CTIF: variants seen among roughly 807,000 people sequenced by gnomAD.
CTIF encodes the protein CBP80/20-dependent translation initiation factor.
Under a neutral mutation model 66.0 loss-of-function variants are expected in CTIF, and 21 were observed. That is an observed-to-expected ratio of 0.32 (90% CI 0.23 to 0.46). The LOEUF is 0.46. Ranked by LOEUF, CTIF falls within the 20% of genes least tolerant of loss-of-function variation. The pLI is 1.00. For missense variants in CTIF, 739 were observed against 812.7 expected, an observed-to-expected ratio of 0.91 and a Z score of 1.10; for synonymous variants, 345 against 326.4, an observed-to-expected ratio of 1.06 and a Z score of -0.62.
rs73956946 is a variant in CTIF, at chr18:48,602,726, G to A, written c.-28-16812G>A. On this transcript the variant is annotated intron_variant, in intron 1 of 11. Transcript: ENST00000256413. Reference sequence around the variant, plus strand: ...CTGTGTGATCGCTTCTCTGCCCTTCGTTTTGTGTCCGTAACATTCAATACC... The same window carrying A: ...CTGTGTGATCGCTTCTCTGCCCTTCATTTTGTGTCCGTAACATTCAATACC... Among the ~76,000 whole-genome samples the A allele has an allele frequency of 6.0e-3, 908 of 152,288 alleles. 9 individuals are homozygous for A. The highest frequency in any genetic ancestry group is 0.021 in the African/African-American group (869 of 41,540).
At chr18:48,592,373 T>G (rs1324112106) in intron 1 of CTIF, among the ~76,000 whole-genome samples, 1 of 151,898 alleles carries the variant, frequency 6.6e-6, no homozygotes, top group Non-Finnish European at 1.5e-5. Flanking sequence ...GGCGCATGCC[T>G]GTAATCCCAG....
chr18:48,648,355 C>T (rs550628312), intron 3 of CTIF, among the ~76,000 whole-genome samples: 11 of 152,240 alleles, frequency 7.2e-5, no homozygotes, highest in African/African-American at 1.2e-4. Context: ...TTTAGTGCCA[C>T]CCAGAAAGCT....
chr18:48,787,937 C>G (rs763694153), intron 9 of CTIF, among the ~76,000 whole-genome samples: 4 of 152,174 alleles, frequency 2.6e-5, no homozygotes, highest in African/African-American at 9.7e-5. Flanking sequence ...CAGTCCTCTG[C>G]GTTTGGTGTC....
chr18:48,849,935 C>G (rs1220641316), intron 10 of CTIF, among the ~76,000 whole-genome samples: 1 of 152,172 alleles, frequency 6.6e-6, no homozygotes, highest in Non-Finnish European at 1.5e-5. Context: ...CGTATTCACA[C>G]TGTTGGGCAA....
chr18:48,690,869 G>GCAAGACAAT, intron 6 of CTIF, among the ~76,000 whole-genome samples: 1 of 152,184 alleles, frequency 6.6e-6, no homozygotes, highest in East Asian at 1.9e-4. Context: ...TGAGAATCAA[G>GCAAGACAAT]CAAGACAATA....
intron 8 of CTIF, among the ~76,000 whole-genome samples, chr18:48,758,658 G>A (rs969629673): frequency 6.6e-6 from 1 of 152,184 alleles, no homozygotes; most frequent in Non-Finnish European, 1.5e-5. Flanking sequence ...CCCAGGGTGG[G>A]CACTTGGAAC....
intron 6 of CTIF, 89 bp from the exon 7 acceptor site, chr18:48,711,530 A>T: frequency 1.0e-6 from 1 of 970,750 alleles, no homozygotes; most frequent in Non-Finnish European, 1.6e-6. Flanking sequence ...TTTCTGTCTT[A>T]GATGCTGGTG....
At chr18:48,717,893 C>A (rs2092297512) in intron 7 of CTIF, among the ~76,000 whole-genome samples, 1 of 152,110 alleles carries the variant, frequency 6.6e-6, no homozygotes. Context: ...CCACACCTGA[C>A]TAATTTTATT....
chr18:48,688,168 A>G (rs544432382), intron 6 of CTIF: 2 of 152,408 alleles, frequency 1.3e-5, no homozygotes, highest in South Asian at 4.1e-4. Flanking sequence ...AGGCAAGGCC[A>G]GTCTGTGCAC....
chr18:48,593,219 G>A lies in CTIF; in HGVS notation c.-28-26319G>A, dbSNP rs2089924103. Reference sequence around the variant, plus strand: ...ACCCTCAGCTGGGGAACGCACCCAAGATGGAGAGCAGGGGCGTCAACACCT... The same window carrying A: ...ACCCTCAGCTGGGGAACGCACCCAAAATGGAGAGCAGGGGCGTCAACACCT... On this transcript the variant is annotated intron_variant, in intron 1 of 11. Coordinates refer to ENST00000256413, the MANE Select transcript of CTIF (RefSeq NM_014772.3). 2.6e-5 allele frequency among the ~76,000 whole-genome samples: 4 copies of A among 152,194 alleles called. No homozygotes were observed. The South Asian group carries it at 8.3e-4, about 31-fold the overall frequency.
At chr18:48,637,693 C>T (rs1206455185) in intron 3 of CTIF, among the ~76,000 whole-genome samples, 2 of 152,152 alleles carry the variant, frequency 1.3e-5, no homozygotes, top group Non-Finnish European at 2.9e-5. Context: ...GGCTGTAGGG[C>T]GTGGCTGCCC....
chr18:48,623,923 G>A (rs1359641822), intron 2 of CTIF, among the ~76,000 whole-genome samples: 1 of 151,622 alleles, frequency 6.6e-6, no homozygotes, highest in Non-Finnish European at 1.5e-5. Flanking sequence ...ATAATACATA[G>A]ATAATAGATA....
At chr18:48,622,784 A>C (rs1200521441) in intron 2 of CTIF, among the ~76,000 whole-genome samples, 3 of 152,150 alleles carry the variant, frequency 2.0e-5, no homozygotes, top group Non-Finnish European at 4.4e-5. Flanking sequence ...AAGCCCCTAG[A>C]GCTGACTTCC....
At chr18:48,695,062 TG>T (rs1226059419) in intron 6 of CTIF, among the ~76,000 whole-genome samples, 1 of 152,242 alleles carries the variant, frequency 6.6e-6, no homozygotes, top group African/African-American at 2.4e-5. Flanking sequence ...TATCTTCTTC[TG>T]GTACTGATCA....
chr18:48,801,652 G>A (rs972791716), intron 9 of CTIF, among the ~76,000 whole-genome samples: 4 of 151,764 alleles, frequency 2.6e-5, no homozygotes, highest in East Asian at 3.8e-4. Context: ...GCTTAGTAAC[G>A]CCTGTGTATT....
intron 1 of CTIF, among the ~76,000 whole-genome samples, chr18:48,593,411 C>T (rs1389307822): frequency 8.8e-5 from 13 of 148,544 alleles, no homozygotes; most frequent in African/African-American, 1.5e-4. Flanking sequence ...GACGGACTCT[C>T]GCTCTGTCGC....
chr18:48,746,132 G>A (rs907426972), intron 7 of CTIF, among the ~76,000 whole-genome samples: 4 of 152,202 alleles, frequency 2.6e-5, no homozygotes, highest in African/African-American at 4.8e-5. Context: ...AAGCCCAACC[G>A]GCTCCTCTGT....
At chr18:48,806,309 G>C (rs1432335719) in intron 9 of CTIF, among the ~76,000 whole-genome samples, 1 of 152,138 alleles carries the variant, frequency 6.6e-6, no homozygotes, top group Non-Finnish European at 1.5e-5. Context: ...CTGGCTGCTG[G>C]GCTCCCACAG....
chr18:48,608,813 G>A (rs566558664), intron 1 of CTIF, among the ~76,000 whole-genome samples: 2 of 152,268 alleles, frequency 1.3e-5, no homozygotes, highest in East Asian at 3.9e-4. Context: ...TGTAGTTCAG[G>A]GAGCTGTTGC....
Sources: allele counts gnomAD v4.1 joint callset (sites outside exome capture counted in the v4.1 genomes callset), GRCh38; gene constraint gnomAD v4.1.1; transcripts MANE v1.5; gene names NCBI Gene and HGNC (gene_info 2026-07-23, HGNC 2026-07-21).